KCNK10: variants seen among roughly 807,000 people sequenced by gnomAD.
The protein encoded by KCNK10 is potassium two pore domain channel subfamily K member 10.
Under a neutral mutation model 47.7 loss-of-function variants are expected in KCNK10, and 25 were observed. The ratio of observed to expected loss-of-function variants is 0.52; its 90% CI spans 0.38 to 0.73. KCNK10 has a LOEUF of 0.73. Among genes scored for constraint, KCNK10 ranks in the 30% least tolerant of loss-of-function variants. The pLI is 0.00. For synonymous variants in KCNK10, 303 were observed against 285.6 expected (o/e 1.06, Z -0.61); for missense variants, 563 against 714.5 (o/e 0.79, Z 2.42).
At chr14:88,299,607 C>T (rs1184882707) in intron 1 of KCNK10, among the ~76,000 whole-genome samples, 1 of 152,116 alleles carries the variant, frequency 6.6e-6, no homozygotes, top group Non-Finnish European at 1.5e-5. Flanking sequence ...TTAGGTAACA[C>T]ACATATGCAA....
intron 1 of KCNK10, among the ~76,000 whole-genome samples, chr14:88,292,701 C>T (rs562731992): frequency 6.6e-6 from 1 of 152,238 alleles, no homozygotes; most frequent in Admixed American, 6.5e-5. Flanking sequence ...GGCACGATCT[C>T]TGCTCACTGC....
At chr14:88,291,254 A>G (rs901578070) in intron 1 of KCNK10, among the ~76,000 whole-genome samples, 4 of 152,064 alleles carry the variant, frequency 2.6e-5, no homozygotes, top group Non-Finnish European at 4.4e-5. Context: ...ATGGAGCACC[A>G]TGTCACCTGC....
At chr14:88,308,322 C>A (rs1888243402) in intron 1 of KCNK10, among the ~76,000 whole-genome samples, 1 of 152,172 alleles carries the variant, frequency 6.6e-6, no homozygotes, top group Non-Finnish European at 1.5e-5. Flanking sequence ...CCCCTGGATT[C>A]TTAATGGACA....
chr14:88,268,831 C>G (rs1230263483), intron 1 of KCNK10, among the ~76,000 whole-genome samples: 1 of 152,188 alleles, frequency 6.6e-6, no homozygotes, highest in Non-Finnish European at 1.5e-5. Context: ...AAGGTAATAT[C>G]CTTTCTGCTA....
At chr14:88,299,966 G>C (rs958699756) in intron 1 of KCNK10, among the ~76,000 whole-genome samples, 1 of 152,144 alleles carries the variant, frequency 6.6e-6, no homozygotes, top group Non-Finnish European at 1.5e-5. Flanking sequence ...ATCTGGTTTT[G>C]CTCTCAAATG....
intron 1 of KCNK10, among the ~76,000 whole-genome samples, chr14:88,267,363 CTTTTTCTTTTT>C (rs1296416287): frequency 1.3e-5 from 2 of 150,298 alleles, no homozygotes; most frequent in Non-Finnish European, 2.9e-5. Flanking sequence ...AAATTCTTTT[CTTTTTCTTTTT>C]CTTTTTTTTT....
In KCNK10 at chr14:88,186,131, C is replaced by A; in HGVS notation, c.1036G>T (p.Ala346Ser). Residue 346 changes from alanine to serine, a missense_variant, in exon 7 of 7, where the codon GCA becomes TCA. Ala to Ser is a moderately conservative substitution (Grantham distance 99). Coordinates refer to ENST00000319231, the MANE Select transcript of KCNK10 (RefSeq NM_138317.3). This position sits in a 1 kb window ranked among gnomAD's most constrained non-coding sequence, Gnocchi z 5.5. ...GCCGTGACATTGGCCTTCCACTCTG[C>A]CGCATGGGCCTTGATTTCACCCACC... ...EEVGEIKAHA[A>S]EWKANVTAEF... is the part of the protein sequence containing the mutation. 6.3e-7 allele frequency: 1 copy of A among 1,594,128 alleles called. No individual in the cohort carries two copies. Among genetic ancestry groups the A allele is most frequent in the Admixed American group, 1.7e-5 (1 of 58,388 alleles).
intron 4 of KCNK10, among the ~76,000 whole-genome samples, chr14:88,223,760 A>G (rs1434204496): frequency 6.6e-6 from 1 of 152,166 alleles, no homozygotes; most frequent in East Asian, 1.9e-4. Flanking sequence ...ATCCTTCTGC[A>G]TTGAGTACTC....
At chr14:88,249,977 G>A (rs924553053) in intron 2 of KCNK10, among the ~76,000 whole-genome samples, 4 of 152,156 alleles carry the variant, frequency 2.6e-5, no homozygotes, top group Non-Finnish European at 2.9e-5. Flanking sequence ...AAGAGCAATT[G>A]TAGGAACGAG....
At chr14:88,271,933 A>G (rs1887415503) in intron 1 of KCNK10, among the ~76,000 whole-genome samples, 1 of 151,998 alleles carries the variant, frequency 6.6e-6, no homozygotes. Flanking sequence ...TGGCAAAAAA[A>G]AAAAAAAAGT....
chr14:88,231,482 C>T (rs1886158746), intron 3 of KCNK10, among the ~76,000 whole-genome samples: 1 of 152,124 alleles, frequency 6.6e-6, no homozygotes, highest in Non-Finnish European at 1.5e-5. Flanking sequence ...AAATGCCTCA[C>T]AGACTAAAAT....
At chr14:88,195,808 G>A (rs904416194) in intron 4 of KCNK10, among the ~76,000 whole-genome samples, 2 of 152,140 alleles carry the variant, frequency 1.3e-5, no homozygotes, top group African/African-American at 4.8e-5. Context: ...AGCTGCAGAG[G>A]GATTCTGAGA....
chr14:88,197,174 C>T (rs1884941156), intron 4 of KCNK10, among the ~76,000 whole-genome samples: 1 of 152,182 alleles, frequency 6.6e-6, no homozygotes, highest in Non-Finnish European at 1.5e-5. Flanking sequence ...CAGTTCAGTA[C>T]TTTGCTGGTT....
At chr14:88,226,667 C>A (rs796638501) in intron 4 of KCNK10, among the ~76,000 whole-genome samples, 3 of 152,200 alleles carry the variant, frequency 2.0e-5, no homozygotes, top group African/African-American at 7.2e-5. Flanking sequence ...AATCACTCAG[C>A]CACTCATGCC....
chr14:88,213,755 C>A (rs1354973852), intron 4 of KCNK10, among the ~76,000 whole-genome samples: 1 of 149,772 alleles, frequency 6.7e-6, no homozygotes, highest in Non-Finnish European at 1.5e-5. Flanking sequence ...GGAAAACCAG[C>A]CAAATCTGAA....
intron 6 of KCNK10, among the ~76,000 whole-genome samples, chr14:88,187,502 A>G (rs1045071125): frequency 2.0e-5 from 3 of 152,022 alleles, no homozygotes; most frequent in African/African-American, 7.3e-5. Flanking sequence ...AAAGAGGCCC[A>G]TTGGGCTCAC....
At chr14:88,294,481 T>A (rs1293628009) in intron 1 of KCNK10, among the ~76,000 whole-genome samples, 2 of 152,260 alleles carry the variant, frequency 1.3e-5, no homozygotes, top group Non-Finnish European at 1.5e-5. Context: ...TTGCCTGGAC[T>A]GTTCAGTTTT....
At chr14:88,233,271 C>A (rs180845496) in intron 3 of KCNK10, among the ~76,000 whole-genome samples, 129 of 152,266 alleles carry the variant, frequency 8.5e-4, no homozygotes, top group African/African-American at 3.0e-3. Flanking sequence ...CTTCACTCTG[C>A]TTCTTTAGTG....
At chr14:88,228,938 T>C (rs1375628098) in intron 3 of KCNK10, among the ~76,000 whole-genome samples, 1 of 152,170 alleles carries the variant, frequency 6.6e-6, no homozygotes, top group Non-Finnish European at 1.5e-5. Flanking sequence ...GACAAAATCA[T>C]TTTTCCAAGA....
Sources: allele counts gnomAD v4.1 joint callset (sites outside exome capture counted in the v4.1 genomes callset), GRCh38; gene constraint gnomAD v4.1.1; non-coding constraint Gnocchi (gnomAD v3.1); transcripts MANE v1.5; gene names NCBI Gene and HGNC (gene_info 2026-07-23, HGNC 2026-07-21).